The following ZBBX variants were observed in gnomAD, a reference collection of about 807,000 sequenced individuals.
ZBBX encodes the protein zinc finger B-box domain-containing protein 1.
ZBBX carries 101 observed loss-of-function variants against 108.5 expected under a neutral mutation model. The ratio of observed to expected loss-of-function variants is 0.93; its 90% CI spans 0.79 to 1.10. ZBBX has a LOEUF of 1.10. Among genes scored for constraint, ZBBX ranks in the 50% least tolerant of loss-of-function variants. ZBBX has a pLI of 0.00. For synonymous variants in ZBBX, 356 were observed against 323.4 expected (o/e 1.10, Z -1.08); for missense variants, 1,009 against 941.4 (o/e 1.07, Z -0.94).
intron 9 of ZBBX, among the ~76,000 whole-genome samples, chr3:167,340,725 G>A (rs1740393607): frequency 6.6e-6 from 1 of 151,760 alleles, no homozygotes; most frequent in Non-Finnish European, 1.5e-5. Flanking sequence ...GTGCAGGGGA[G>A]TAAACTTTGG....
chr3:167,348,193 T>TGAAA lies in ZBBX; in HGVS notation c.528+2223_528+2226dup, dbSNP rs576967088. 6.4e-3 allele frequency among the ~76,000 whole-genome samples: 658 copies of TGAAA among 102,372 alleles called. 9 individuals carry two copies. The highest frequency in any genetic ancestry group is 0.026 in the African/African-American group (640 of 24,870). 67.2% of individuals were successfully genotyped at this position (102,372 alleles called of 152,430 possible). On this transcript the variant is annotated intron_variant, in intron 9 of 21. Transcript: ENST00000675490. ...AGAAAGAGAGAAAAAGAAGGAAAGATGAAAGAAGGAAGGAAGGAAGGAAGC... is the reference window on the plus strand; with the variant it reads ...AGAAAGAGAGAAAAAGAAGGAAAGATGAAAGAAAGAAGGAAGGAAGGAAGGAAGC...
chr3:167,313,972 AC>A lies in ZBBX; in HGVS notation c.1417+1del, dbSNP rs746322861. 7.0e-6 allele frequency: 11 copies of A among 1,570,444 alleles called. No individual in the cohort carries two copies. Among genetic ancestry groups the A allele is most frequent in the Non-Finnish European group, 9.5e-6 (11 of 1,161,038 alleles). ...AATATCCAGCAACAAGAAAAATGTT[AC>A]CTTTTGAATTATCTTTATAATAAGT... On this transcript the variant is annotated splice_donor_variant, in intron 16 of 21. Transcript: ENST00000675490. LOFTEE classifies it high-confidence loss of function.
At chr3:167,385,888 C>A (rs775922336) in intron 1 of ZBBX, among the ~76,000 whole-genome samples, 1 of 151,974 alleles carries the variant, frequency 6.6e-6, no homozygotes, top group Non-Finnish European at 1.5e-5. Context: ...TTAGTTCCAC[C>A]CAAGGATTGA....
chr3:167,219,394 T>C, the ZBBX span, among the ~76,000 whole-genome samples: 1 of 152,140 alleles, frequency 6.6e-6, no homozygotes, highest in African/African-American at 2.4e-5. Context: ...AACAAGTCTT[T>C]AAAAGTTCAA....
intron 9 of ZBBX, among the ~76,000 whole-genome samples, chr3:167,341,120 T>C (rs1740464918): frequency 1.3e-5 from 2 of 151,946 alleles, no homozygotes; most frequent in South Asian, 4.1e-4. Context: ...AAAAGACTGT[T>C]AGATTAACCT....
intron 20 of ZBBX, among the ~76,000 whole-genome samples, chr3:167,247,245 G>A (rs1721728916): frequency 6.6e-6 from 1 of 152,164 alleles, no homozygotes; most frequent in South Asian, 2.1e-4. Context: ...GACGGCAAGA[G>A]GACGTCAAGC....
intron 9 of ZBBX, among the ~76,000 whole-genome samples, chr3:167,338,977 T>G (rs1279137747): frequency 6.6e-6 from 1 of 152,114 alleles, no homozygotes; most frequent in Non-Finnish European, 1.5e-5. Flanking sequence ...AATCTTTTTT[T>G]GGCCTGGCTT....
chr3:167,344,964 C>T (rs1420026393), intron 9 of ZBBX, among the ~76,000 whole-genome samples: 2 of 151,852 alleles, frequency 1.3e-5, no homozygotes, highest in African/African-American at 2.4e-5. Flanking sequence ...AGGTCAAATG[C>T]TCACATTTAG....
chr3:167,200,511 C>T, the ZBBX span, among the ~76,000 whole-genome samples: 3 of 152,052 alleles, frequency 2.0e-5, no homozygotes, highest in African/African-American at 4.8e-5. Context: ...TCAGAGTGTC[C>T]TGAGGCTTGA....
intron 19 of ZBBX, among the ~76,000 whole-genome samples, chr3:167,287,287 C>G (rs984680076): frequency 2.8e-4 from 43 of 152,052 alleles, no homozygotes; most frequent in African/African-American, 1.0e-3. Flanking sequence ...ATTTATAGCA[C>G]TTTTCTCAAA....
chr3:167,230,006 T>G, the ZBBX span, among the ~76,000 whole-genome samples: 1 of 151,884 alleles, frequency 6.6e-6, no homozygotes, highest in African/African-American at 2.4e-5. Flanking sequence ...TTATTGCTTA[T>G]GTTGGCAAGT....
At chr3:167,255,991 A>G (rs1191981303) in intron 20 of ZBBX, among the ~76,000 whole-genome samples, 1 of 151,900 alleles carries the variant, frequency 6.6e-6, no homozygotes, top group Non-Finnish European at 1.5e-5. Context: ...GCATTCTTCT[A>G]TTTTCTATCT....
intron 6 of ZBBX, among the ~76,000 whole-genome samples, chr3:167,363,985 T>C (rs1744935765): frequency 6.6e-6 from 1 of 151,990 alleles, no homozygotes; most frequent in Non-Finnish European, 1.5e-5. Flanking sequence ...GGTTAGTAGG[T>C]ATTATTATGC....
intron 20 of ZBBX, among the ~76,000 whole-genome samples, chr3:167,251,688 CATAT>C (rs1019208201): frequency 6.6e-6 from 1 of 151,984 alleles, no homozygotes; most frequent in Admixed American, 6.6e-5. Flanking sequence ...TATAATATCT[CATAT>C]ATATAATTTT....
the ZBBX span, among the ~76,000 whole-genome samples, chr3:167,212,096 G>T: frequency 6.6e-6 from 1 of 152,092 alleles, no homozygotes; most frequent in South Asian, 2.1e-4. Context: ...CAACAGGTCT[G>T]TCCCTCCCTG....
chr3:167,296,239 A>C (rs1383519801), intron 18 of ZBBX, among the ~76,000 whole-genome samples: 1 of 152,068 alleles, frequency 6.6e-6, no homozygotes, highest in African/African-American at 2.4e-5. Context: ...CTAGGAATAA[A>C]AGGGAAATGC....
chr3:167,192,750 T>G, the ZBBX span, among the ~76,000 whole-genome samples: 1 of 152,200 alleles, frequency 6.6e-6, no homozygotes, highest in African/African-American at 2.4e-5. Flanking sequence ...TTTCTGCTGT[T>G]AAGAGCCTCT....
At chr3:167,236,171 A>T (rs1466589474), downstream of ZBBX, among the ~76,000 whole-genome samples, 1 of 151,792 alleles carries the variant, frequency 6.6e-6, no homozygotes, top group African/African-American at 2.4e-5. Context: ...AGCTATAAAC[A>T]GATGGGATGT....
At chr3:167,224,949 C>A in the ZBBX span, among the ~76,000 whole-genome samples, 18 of 151,834 alleles carry the variant, frequency 1.2e-4, no homozygotes, top group Non-Finnish European at 2.2e-4. Flanking sequence ...TATCACCTCC[C>A]CACAAAAATA....
Sources: gnomAD v4.1 joint callset for allele counts (sites outside exome capture counted in the v4.1 genomes callset) on GRCh38, gnomAD v4.1.1 for gene constraint, MANE v1.5 for transcripts, NCBI Gene and HGNC (gene_info 2026-07-23, HGNC 2026-07-21) for gene names.